SYT16: variants seen among roughly 807,000 people sequenced by gnomAD.
SYT16 encodes synaptotagmin 16.
A neutral mutation model predicts 61.4 loss-of-function variants in SYT16; 42 were observed. The ratio of observed to expected loss-of-function variants is 0.68; its 90% CI spans 0.53 to 0.89. SYT16 has a LOEUF of 0.89. Ranked by LOEUF, SYT16 falls within the 40% of genes least tolerant of loss-of-function variation. The pLI is 0.00. For synonymous variants in SYT16, 314 were observed against 302.3 expected (o/e 1.04, Z -0.40); for missense variants, 804 against 807.3 (o/e 1.00, Z 0.05).
intron 1 of SYT16, among the ~76,000 whole-genome samples, chr14:61,906,025 G>C (rs1373167430): frequency 1.3e-5 from 2 of 152,196 alleles, no homozygotes; most frequent in African/African-American, 4.8e-5. Flanking sequence ...AAAGTGCTGG[G>C]ATTACAGGTG....
chr14:62,062,252 T>C (rs2055858280), intron 3 of SYT16, among the ~76,000 whole-genome samples: 1 of 152,188 alleles, frequency 6.6e-6, no homozygotes, highest in Admixed American at 6.5e-5. Context: ...GCTATTTGAT[T>C]GTACTGAAGT....
At position 62,040,292 on chromosome 14, in the gene SYT16, A is replaced by C. The variant is rs190455473; in HGVS notation, c.524-29311A>C. 5.9e-5 allele frequency among the ~76,000 whole-genome samples: 9 copies of C among 152,338 alleles called. No individual in the cohort carries two copies. In the East Asian group the frequency reaches 1.7e-3, roughly 29 times the overall value. ...GAGAGGGGTGGTTTTCTACAAGAAA[A>C]TCAAGATATTGTTACTGAAAAAGAG... On this transcript the variant is annotated intron_variant, in intron 3 of 7. Coordinates refer to ENST00000683842, the MANE Select transcript of SYT16 (RefSeq NM_001367656.1).
At chr14:61,902,938 A>G (rs61385491) in intron 1 of SYT16, among the ~76,000 whole-genome samples, 3,853 of 152,270 alleles carry the variant, frequency 0.025, 162 homozygotes, top group African/African-American at 0.087. Flanking sequence ...AGTCCCTCCC[A>G]CAACACGTGG....
At chr14:61,814,432 C>T (rs1434578564) in intron 1 of SYT16, among the ~76,000 whole-genome samples, 2 of 152,196 alleles carry the variant, frequency 1.3e-5, no homozygotes, top group African/African-American at 2.4e-5. Flanking sequence ...GTGCATCACA[C>T]ACATGCAGTG....
chr14:61,834,127 C>G (rs569742509), intron 1 of SYT16, among the ~76,000 whole-genome samples: 1 of 151,768 alleles, frequency 6.6e-6, no homozygotes, highest in Non-Finnish European at 1.5e-5. Flanking sequence ...GTTAAATGTC[C>G]TGATTCACAT....
chr14:61,979,885 A>C (rs1326474466), intron 2 of SYT16, among the ~76,000 whole-genome samples: 1 of 152,180 alleles, frequency 6.6e-6, no homozygotes, highest in Non-Finnish European at 1.5e-5. Context: ...TGTCTCAAAA[A>C]GAAAAAAAAA....
intron 1 of SYT16, among the ~76,000 whole-genome samples, chr14:61,859,236 G>A (rs1021068318): frequency 1.3e-5 from 2 of 152,138 alleles, no homozygotes; most frequent in Non-Finnish European, 2.9e-5. Flanking sequence ...GGGAGCTTGC[G>A]CTAGTGAATG....
At chr14:62,014,111 T>C (rs960151205) in intron 3 of SYT16, among the ~76,000 whole-genome samples, 1 of 152,166 alleles carries the variant, frequency 6.6e-6, no homozygotes, top group Non-Finnish European at 1.5e-5. Context: ...AAATATTTGG[T>C]TCCCTCTTAT....
chr14:61,954,597 A>G (rs1266185218), intron 1 of SYT16, among the ~76,000 whole-genome samples: 3 of 152,182 alleles, frequency 2.0e-5, no homozygotes, highest in Non-Finnish European at 4.4e-5. Context: ...GATGGCACTT[A>G]AATTTCTTGA....
intron 3 of SYT16, among the ~76,000 whole-genome samples, chr14:62,050,821 A>G (rs899395624): frequency 1.3e-5 from 2 of 151,868 alleles, no homozygotes; most frequent in Non-Finnish European, 2.9e-5. Context: ...CTGCCTGATC[A>G]TTCCTCTGGA....
At chr14:61,883,213 C>T (rs1488215479) in intron 1 of SYT16, among the ~76,000 whole-genome samples, 1 of 152,208 alleles carries the variant, frequency 6.6e-6, no homozygotes, top group Admixed American at 6.5e-5. Context: ...TTTGGCTTCT[C>T]ATTACTTATG....
rs777959115 is a variant in SYT16, at chr14:61,996,181, T to G, written c.162T>G (p.Asp54Glu). 1 of 1,613,460 alleles carries G rather than the reference T, an allele frequency of 6.2e-7. No homozygotes were observed. The highest frequency in any genetic ancestry group is 1.7e-5 in the Admixed American group (1 of 59,942). Residue 54 changes from aspartate (D) to glutamate (E), a missense_variant, in exon 3 of 8, where the codon GAT becomes GAG. Transcript: ENST00000683842. ...KQDSKLSDKLDQDLDNIQIQE... is the reference protein window; with the variant it reads ...KQDSKLSDKLEQDLDNIQIQE... The stretch of plus-strand genomic sequence containing the variant: ...ACTCTAAATTGAGTGACAAACTAGA[T>G]CAGGACTTAGATAATATTCAGATTC...
At chr14:62,018,814 C>T (rs543826395) in intron 3 of SYT16, among the ~76,000 whole-genome samples, 1 of 152,254 alleles carries the variant, frequency 6.6e-6, no homozygotes, top group Non-Finnish European at 1.5e-5. Flanking sequence ...ATCCCCTTTC[C>T]ATGCCTTATG....
intron 1 of SYT16, among the ~76,000 whole-genome samples, chr14:61,825,999 A>AT (rs532684369): frequency 5.1e-4 from 77 of 152,366 alleles, no homozygotes; most frequent in Middle Eastern, 6.8e-3. Context: ...GAGTGCTTTC[A>AT]TAGTGCATCA....
intron 1 of SYT16, among the ~76,000 whole-genome samples, chr14:61,919,359 C>T (rs1186733323): frequency 6.6e-6 from 1 of 152,190 alleles, no homozygotes; most frequent in African/African-American, 2.4e-5. Flanking sequence ...TTACCACAAA[C>T]TTAGTGGTGC....
intron 1 of SYT16, among the ~76,000 whole-genome samples, chr14:61,826,780 G>C (rs560554199): frequency 6.6e-6 from 1 of 152,004 alleles, no homozygotes; most frequent in Non-Finnish European, 1.5e-5. Context: ...CAACACACAC[G>C]TATTTTCCTA....
At chr14:62,075,561 G>T (rs140520546) in intron 5 of SYT16, among the ~76,000 whole-genome samples, 170 bp downstream of exon 5, 1 of 110,156 alleles carries the variant, frequency 9.1e-6, no homozygotes, top group East Asian at 2.6e-4. Flanking sequence ...GTCAATAAAA[G>T]AGTCATAAAT....
chr14:61,819,114 G>T (rs1469866561), intron 1 of SYT16, among the ~76,000 whole-genome samples: 2 of 152,140 alleles, frequency 1.3e-5, no homozygotes, highest in Non-Finnish European at 2.9e-5. Context: ...GTTTCTAAAT[G>T]AATCTAAAAT....
At chr14:61,946,325 G>C (rs190972650) in intron 1 of SYT16, among the ~76,000 whole-genome samples, 1 of 152,256 alleles carries the variant, frequency 6.6e-6, no homozygotes, top group African/African-American at 2.4e-5. Flanking sequence ...ACTTATAAGT[G>C]GGAGCTAAAC....
Sources: gnomAD v4.1 joint callset for allele counts (sites outside exome capture counted in the v4.1 genomes callset) on GRCh38, gnomAD v4.1.1 for gene constraint, MANE v1.5 for transcripts, NCBI Gene and HGNC (gene_info 2026-07-23, HGNC 2026-07-21) for gene names.